Variants in DIPK1A observed in about 807,000 individuals in gnomAD.
DIPK1A encodes family with sequence similarity 69 member A.
A neutral mutation model predicts 40.8 loss-of-function variants in DIPK1A; 27 were observed. The ratio of observed to expected loss-of-function variants is 0.66; its 90% CI spans 0.49 to 0.91. The LOEUF (loss-of-function observed/expected upper bound fraction) is 0.91. Among genes scored for constraint, DIPK1A ranks in the 40% least tolerant of loss-of-function variants. The probability of loss-of-function intolerance (pLI) is 0.00; values close to 1 mark genes in which losing one functional copy is unlikely to be tolerated. For missense variants in DIPK1A, 412 were observed against 505.7 expected, an observed-to-expected ratio of 0.81 and a Z score of 1.78; for synonymous variants, 166 against 171.3, an observed-to-expected ratio of 0.97 and a Z score of 0.24.
chr1:92,866,397 T>C lies in DIPK1A; in HGVS notation c.189+9899A>G, dbSNP rs141926746. 3.4e-3 allele frequency among the ~76,000 whole-genome samples: 521 copies of C among 152,368 alleles called. 3 individuals are homozygous for C. Among genetic ancestry groups the C allele is most frequent in the African/African-American group, 0.012 (491 of 41,600 alleles). Reference sequence around the variant, plus strand: ...GATTACAGGCATGAGCCACCGCACCTGGCCTTGAAGGCCCTGTAGAAGTTC... The same window carrying C: ...GATTACAGGCATGAGCCACCGCACCCGGCCTTGAAGGCCCTGTAGAAGTTC... On this transcript the variant is annotated intron_variant, in intron 2 of 4. Coordinates refer to ENST00000370310, the MANE Select transcript of DIPK1A (RefSeq NM_001006605.5).
At position 92,842,262 on chromosome 1, in the gene DIPK1A, T is replaced by TTTTGAGAGAAAGC; in HGVS notation, c.*1108_*1120dup. The TTTTGAGAGAAAGC allele has an allele frequency of 1.0e-6, 1 of 989,640 alleles. No homozygotes were observed. Among genetic ancestry groups the TTTTGAGAGAAAGC allele is most frequent in the Non-Finnish European group, 1.2e-6 (1 of 832,792 alleles). The allele number at this position is 989,640 out of a possible 1,614,324, so 61.3% of individuals were successfully genotyped here. On this transcript the variant is annotated 3_prime_UTR_variant, in exon 5 of 5. Coordinates refer to ENST00000370310, the MANE Select transcript of DIPK1A (RefSeq NM_001006605.5). Reference sequence around the variant, plus strand: ...GCTAATCCATGGCGTTGAAGGAAAGTTTTGAGAGAAAGCTGTCCAGTGATG... The same window carrying TTTTGAGAGAAAGC: ...GCTAATCCATGGCGTTGAAGGAAAGTTTTGAGAGAAAGCTTTGAGAGAAAGCTGTCCAGTGATG...
rs1244479279 is a variant in DIPK1A at position 92,855,394 on chromosome 1, C to A, written c.190-4439G>T. On this transcript the variant is annotated intron_variant, in intron 2 of 4. Transcript: ENST00000370310. Reference sequence around the variant, plus strand: ...TAAAAAAACCAACCAACCAACCAAACAAACAAACAAAAAAAACCCAACAGA... The same window carrying A: ...TAAAAAAACCAACCAACCAACCAAAAAAACAAACAAAAAAAACCCAACAGA... Among the ~76,000 whole-genome samples, 7 of 151,510 alleles carry A rather than the reference C, an allele frequency of 4.6e-5. No homozygotes were observed. The South Asian group carries it at 1.0e-3, about 22-fold the overall frequency.
intron 2 of DIPK1A, among the ~76,000 whole-genome samples, chr1:92,873,703 T>C (rs1199109874): frequency 1.3e-5 from 2 of 152,108 alleles, no homozygotes; most frequent in East Asian, 3.9e-4. Context: ...CTTTAAAATA[T>C]ACTTTTAAAG....
intron 4 of DIPK1A, chr1:92,835,329 T>C (rs1687075558): frequency 7.0e-6 from 2 of 287,226 alleles, no homozygotes; most frequent in Non-Finnish European, 1.4e-5. Flanking sequence ...TTTGATAGTA[T>C]GTACCAAGTG....
chr1:92,953,935 CAG>C (rs751216855), intron 1 of DIPK1A, among the ~76,000 whole-genome samples: 10 of 151,810 alleles, frequency 6.6e-5, no homozygotes, highest in Non-Finnish European at 1.2e-4. Flanking sequence ...AAAAATGAAA[CAG>C]AAAAAAATAA....
chr1:92,947,533 TG>T (rs1325252369), intron 1 of DIPK1A, among the ~76,000 whole-genome samples: 1 of 152,320 alleles, frequency 6.6e-6, no homozygotes, highest in Non-Finnish European at 1.5e-5. Flanking sequence ...GGAAAGATTA[TG>T]GAGGTTCTTC....
At chr1:92,846,831 A>G (rs1337223615) in intron 4 of DIPK1A, among the ~76,000 whole-genome samples, 4 of 7,694 alleles carry the variant, frequency 5.2e-4, no homozygotes, top group Admixed American at 2.2e-3. Flanking sequence ...ATATATATAT[A>G]TATATATATA....
intron 2 of DIPK1A, among the ~76,000 whole-genome samples, chr1:92,866,816 C>T (rs1647567465): frequency 1.3e-5 from 2 of 152,302 alleles, no homozygotes; most frequent in South Asian, 2.1e-4. Flanking sequence ...TTCCAGCCTG[C>T]CCTTCCTGAT....
At chr1:92,915,290 C>T (rs1181150443) in intron 1 of DIPK1A, among the ~76,000 whole-genome samples, 2 of 152,032 alleles carry the variant, frequency 1.3e-5, no homozygotes, top group East Asian at 3.9e-4. Flanking sequence ...ATGGCATGCC[C>T]TAAACATGTG....
chr1:92,857,202 A>T (rs1688014200), intron 2 of DIPK1A, among the ~76,000 whole-genome samples: 1 of 152,250 alleles, frequency 6.6e-6, no homozygotes, highest in African/African-American at 2.4e-5. Flanking sequence ...AATATCAGGC[A>T]GGATAAGAGA....
intron 1 of DIPK1A, among the ~76,000 whole-genome samples, chr1:92,891,295 G>T (rs919898666): frequency 2.1e-4 from 31 of 149,174 alleles, no homozygotes; most frequent in Middle Eastern, 3.4e-3. Flanking sequence ...ATCTTTTGTG[G>T]TTTTTTTTTA....
chr1:92,899,169 A>G (rs2774956), intron 1 of DIPK1A, among the ~76,000 whole-genome samples: 104,160 of 151,994 alleles, frequency 0.69, 36,206 homozygotes, highest in East Asian at 0.96. Context: ...TTATTGTATC[A>G]GACTCTATCT....
At chr1:92,918,720 A>C (rs192520964) in intron 1 of DIPK1A, among the ~76,000 whole-genome samples, 8 of 152,226 alleles carry the variant, frequency 5.3e-5, no homozygotes, top group Admixed American at 4.6e-4. Context: ...GCAGTCCCCA[A>C]ACTTTTTCAC....
At chr1:92,876,987 C>G (rs781769344) in intron 1 of DIPK1A, 8 of 985,172 alleles carry the variant, frequency 8.1e-6, no homozygotes, top group African/African-American at 3.5e-5. Context: ...TCTTGTTCAG[C>G]GAACCAAATG....
At chr1:92,868,127 C>T (rs142179750) in intron 2 of DIPK1A, among the ~76,000 whole-genome samples, 24 of 152,236 alleles carry the variant, frequency 1.6e-4, no homozygotes, top group Admixed American at 7.8e-4. Flanking sequence ...ATACTTTTCT[C>T]GAGCCTGTAT....
At chr1:92,956,952 T>C (rs1009781447) in intron 1 of DIPK1A, among the ~76,000 whole-genome samples, 4 of 152,142 alleles carry the variant, frequency 2.6e-5, no homozygotes, top group African/African-American at 9.7e-5. Flanking sequence ...GACTTCAAAT[T>C]CCATTAGAAC....
At chr1:92,934,828 A>C (rs1650887458) in intron 1 of DIPK1A, among the ~76,000 whole-genome samples, 1 of 152,186 alleles carries the variant, frequency 6.6e-6, no homozygotes, top group South Asian at 2.1e-4. Context: ...GGCAAAAATA[A>C]AACCTGGCCC....
At chr1:92,930,454 T>C (rs938094429) in intron 1 of DIPK1A, among the ~76,000 whole-genome samples, 2 of 152,216 alleles carry the variant, frequency 1.3e-5, no homozygotes, top group Non-Finnish European at 2.9e-5. Flanking sequence ...GGAGCTTATA[T>C]TTTATCCAGC....
chr1:92,889,748 A>G (rs1417928582), intron 1 of DIPK1A, among the ~76,000 whole-genome samples: 2 of 152,054 alleles, frequency 1.3e-5, no homozygotes, highest in Non-Finnish European at 2.9e-5. Context: ...CCTGGGCTCA[A>G]GCAATCCTCC....
Sources: allele counts gnomAD v4.1 joint callset (sites outside exome capture counted in the v4.1 genomes callset), GRCh38; gene constraint gnomAD v4.1.1; transcripts MANE v1.5; gene names NCBI Gene and HGNC (gene_info 2026-07-23, HGNC 2026-07-21).